RAB3GAP2: variants seen among roughly 807,000 people sequenced by gnomAD.
RAB3GAP2 encodes the protein rab3 GTPase-activating protein non-catalytic subunit.
A neutral mutation model predicts 185.3 loss-of-function variants in RAB3GAP2; 87 were observed. That is an observed-to-expected ratio of 0.47 (90% CI 0.39 to 0.56). RAB3GAP2 has a LOEUF of 0.56. Ranked by LOEUF, RAB3GAP2 falls within the 20% of genes least tolerant of loss-of-function variation. RAB3GAP2 has a pLI of 0.00. For missense variants in RAB3GAP2, 1,492 were observed against 1,638.2 expected, an observed-to-expected ratio of 0.91 and a Z score of 1.54; for synonymous variants, 554 against 576.1, an observed-to-expected ratio of 0.96 and a Z score of 0.55.
chr1:220,193,446 G>A (rs552902249), intron 12 of RAB3GAP2, 67 bp from the exon 13 acceptor site: 47 of 1,467,492 alleles, frequency 3.2e-5, no homozygotes, highest in Middle Eastern at 4.0e-4. Context: ...ACAGAATAAC[G>A]AAATGCATAA....
chr1:220,206,324 A>C (rs894019419), intron 7 of RAB3GAP2, among the ~76,000 whole-genome samples: 1 of 152,226 alleles, frequency 6.6e-6, no homozygotes, highest in Non-Finnish European at 1.5e-5. Context: ...AAACAGAAGA[A>C]AACTCACCTG....
chr1:220,185,805 A>G (rs1232261903), intron 17 of RAB3GAP2, 64 bp from the exon 18 acceptor site: 15 of 1,295,110 alleles, frequency 1.2e-5, no homozygotes, highest in Non-Finnish European at 1.6e-5. Context: ...TTTAAATCTT[A>G]TATTTATGCC....
At chr1:220,189,802 AT>A in intron 16 of RAB3GAP2, 35 bp from the exon 17 acceptor site, 1 of 1,393,326 alleles carries the variant, frequency 7.2e-7, no homozygotes, top group Non-Finnish European at 9.8e-7. Context: ...TAAAATTTTA[AT>A]TTTTATAACA....
At position 220,149,285 on chromosome 1, in the gene RAB3GAP2, G is replaced by GTGT. The variant is rs756401952; in HGVS notation, c.*1963_*1965dup. 4 of 152,086 alleles carry GTGT rather than the reference G, an allele frequency of 2.6e-5. No individual in the cohort carries two copies. The highest frequency in any genetic ancestry group is 9.7e-5 in the African/African-American group (4 of 41,414). 9.4% of individuals were successfully genotyped at this position (152,086 alleles called of 1,614,324 possible). ...AATCTAACTAGAGACTTAATGATTT[G>GTGT]TGTTAGGATTCTGTGAGCCATACTT... On this transcript the variant is annotated 3_prime_UTR_variant, in exon 35 of 35. Transcript: ENST00000358951.
intron 13 of RAB3GAP2, among the ~76,000 whole-genome samples, 169 bp from the exon 14 acceptor site, chr1:220,191,453 C>A (rs968044283): frequency 1.3e-5 from 2 of 152,046 alleles, no homozygotes; most frequent in African/African-American, 4.8e-5. Context: ...TAAATAATAA[C>A]CAGTCTATCA....
intron 1 of RAB3GAP2, among the ~76,000 whole-genome samples, chr1:220,255,096 C>A (rs1339163961): frequency 2.6e-5 from 4 of 151,424 alleles, no homozygotes; most frequent in Non-Finnish European, 5.9e-5. Flanking sequence ...GTCTAATGCA[C>A]GTTTTAACAT....
At chr1:220,250,996 T>G (rs1431484284) in intron 1 of RAB3GAP2, among the ~76,000 whole-genome samples, 1 of 152,166 alleles carries the variant, frequency 6.6e-6, no homozygotes, top group Non-Finnish European at 1.5e-5. Context: ...GTAATACAAG[T>G]ACTTTGGCAG....
intron 1 of RAB3GAP2, chr1:220,266,450 C>G (rs574275059): frequency 1.5e-4 from 73 of 482,060 alleles, no homozygotes; most frequent in African/African-American, 1.4e-3. Flanking sequence ...TGGCTGCAGT[C>G]GAACCTTGCC....
chr1:220,185,779 G>T, intron 17 of RAB3GAP2, 38 bp from the exon 18 acceptor site: 1 of 1,520,904 alleles, frequency 6.6e-7, no homozygotes, highest in Non-Finnish European at 9.1e-7. Context: ...GTAATTATAA[G>T]GCAGTGATTT....
At chr1:220,236,891 G>A (rs1571921303) in intron 1 of RAB3GAP2, among the ~76,000 whole-genome samples, 1 of 152,234 alleles carries the variant, frequency 6.6e-6, no homozygotes, top group South Asian at 2.1e-4. Flanking sequence ...TGAGAACTAT[G>A]TACTGTTTTA....
intron 4 of RAB3GAP2, among the ~76,000 whole-genome samples, chr1:220,211,876 G>T (rs559422333): frequency 6.6e-6 from 1 of 152,302 alleles, no homozygotes; most frequent in East Asian, 1.9e-4. Flanking sequence ...ACTAAATGGC[G>T]TAAGGAGAAA....
At chr1:220,236,134 T>A (rs986211472) in intron 1 of RAB3GAP2, among the ~76,000 whole-genome samples, 2 of 152,190 alleles carry the variant, frequency 1.3e-5, no homozygotes, top group Admixed American at 1.3e-4. Flanking sequence ...AAATGGGAAA[T>A]GTTTTGCCAG....
At chr1:220,260,816 G>C (rs897842619) in intron 1 of RAB3GAP2, among the ~76,000 whole-genome samples, 2 of 152,166 alleles carry the variant, frequency 1.3e-5, no homozygotes, top group African/African-American at 4.8e-5. Flanking sequence ...CTGTAATCAT[G>C]GAAGTATTCT....
chr1:220,182,370 CA>C lies in RAB3GAP2; in HGVS notation c.2213-17del. 6.2e-7 allele frequency: 1 copy of C among 1,613,714 alleles called. No individual in the cohort carries two copies. The highest frequency in any genetic ancestry group is 8.5e-7 in the Non-Finnish European group (1 of 1,179,822). On this transcript the variant is annotated splice_polypyrimidine_tract_variant and intron_variant, in intron 20 of 34. Coordinates refer to ENST00000358951, the MANE Select transcript of RAB3GAP2 (RefSeq NM_012414.4). ...AAGAAACTACCTGGTAGAAGAAAAACAAAGCACATTAATCAATGACTACTTA... is the reference window on the plus strand; with the variant it reads ...AAGAAACTACCTGGTAGAAGAAAAACAAGCACATTAATCAATGACTACTTA...
intron 1 of RAB3GAP2, among the ~76,000 whole-genome samples, chr1:220,235,107 T>G (rs1001494208): frequency 6.6e-6 from 1 of 152,180 alleles, no homozygotes; most frequent in Admixed American, 6.5e-5. Flanking sequence ...TTAGACTACA[T>G]GTACTCCTAC....
chr1:220,182,130 T>A, intron 21 of RAB3GAP2, 127 bp downstream of exon 21: 1 of 1,491,492 alleles, frequency 6.7e-7, no homozygotes. Flanking sequence ...CTTTGATCAT[T>A]TTTAGAAAGT....
At chr1:220,259,079 A>T (rs1660086809) in intron 1 of RAB3GAP2, among the ~76,000 whole-genome samples, 1 of 152,230 alleles carries the variant, frequency 6.6e-6, no homozygotes, top group Non-Finnish European at 1.5e-5. Flanking sequence ...AAAATCAGAG[A>T]GGACACAAAT....
At chr1:220,154,377 C>T in intron 31 of RAB3GAP2, 2 of 285,752 alleles carry the variant, frequency 7.0e-6, no homozygotes, top group South Asian at 7.8e-5. Flanking sequence ...CAAAAGACTG[C>T]TTCTTCTGCC....
chr1:220,214,114 A>C (rs1356904753), intron 2 of RAB3GAP2, 135 bp from the exon 3 acceptor site: 4 of 864,734 alleles, frequency 4.6e-6, no homozygotes, highest in Non-Finnish European at 7.3e-6. Flanking sequence ...GTTTCATAAT[A>C]TTCCTTATCA....
Sources: allele counts gnomAD v4.1 joint callset (sites outside exome capture counted in the v4.1 genomes callset), GRCh38; gene constraint gnomAD v4.1.1; transcripts MANE v1.5; gene names NCBI Gene and HGNC (gene_info 2026-07-23, HGNC 2026-07-21).